Variants in RAB27B observed in about 807,000 individuals in gnomAD.
RAB27B encodes the protein RAB27B, member RAS oncogene family, also known as ras-related protein Rab-27B.
In RAB27B, 15 loss-of-function variants were observed where a neutral mutation model predicts 24.6. The observed-to-expected ratio is 0.61, with a 90% CI of 0.41 to 0.94. RAB27B has a LOEUF of 0.94. Ranked by LOEUF, RAB27B falls within the 40% of genes least tolerant of loss-of-function variation. RAB27B has a pLI of 0.00. For missense variants in RAB27B, 261 were observed against 266.8 expected, an observed-to-expected ratio of 0.98 and a Z score of 0.15; for synonymous variants, 105 against 92.5, an observed-to-expected ratio of 1.14 and a Z score of -0.78.
intron 1 of RAB27B, among the ~76,000 whole-genome samples, chr18:54,858,128 G>A (rs953573477): frequency 1.3e-5 from 2 of 152,224 alleles, no homozygotes; most frequent in Non-Finnish European, 2.9e-5. Context: ...ATTAACTACC[G>A]AGTAATATTA....
intron 2 of RAB27B, among the ~76,000 whole-genome samples, chr18:54,790,103 C>T (rs1437166103): frequency 6.6e-6 from 1 of 151,892 alleles, no homozygotes. Flanking sequence ...CCTGGTCATT[C>T]CATTGTCAGG....
At chr18:54,768,386 A>G (rs1908433841) in intron 2 of RAB27B, among the ~76,000 whole-genome samples, 1 of 152,140 alleles carries the variant, frequency 6.6e-6, no homozygotes, top group South Asian at 2.1e-4. Context: ...TAAAAAAATC[A>G]TTGTTTGAAG....
At chr18:54,830,635 G>A (rs756407646) in intron 1 of RAB27B, among the ~76,000 whole-genome samples, 20 of 152,070 alleles carry the variant, frequency 1.3e-4, no homozygotes, top group Non-Finnish European at 2.5e-4. Flanking sequence ...TCATTATTAG[G>A]TATATATGGG....
At chr18:54,871,223 C>A (rs1012121113) in intron 1 of RAB27B, among the ~76,000 whole-genome samples, 1 of 152,174 alleles carries the variant, frequency 6.6e-6, no homozygotes, top group Admixed American at 6.5e-5. Flanking sequence ...AAAGAAGCTT[C>A]CCCTTCCCTC....
intron 2 of RAB27B, among the ~76,000 whole-genome samples, chr18:54,735,496 C>A (rs1001076697): frequency 3.3e-5 from 5 of 151,896 alleles, no homozygotes; most frequent in African/African-American, 1.2e-4. Context: ...ATGCTGACCA[C>A]ATTTTTGCCT....
intron 1 of RAB27B, among the ~76,000 whole-genome samples, chr18:54,848,138 G>T (rs1911412717): frequency 6.6e-6 from 1 of 152,204 alleles, no homozygotes; most frequent in Non-Finnish European, 1.5e-5. Flanking sequence ...CACAGGTGTG[G>T]GATATGGTCG....
At position 54,739,552 on chromosome 18, in the gene RAB27B, CT is replaced by C. The variant is rs543711683; in HGVS notation, c.-20+21423del. Among the ~76,000 whole-genome samples, 441 of 134,706 alleles carry C rather than the reference CT, an allele frequency of 3.3e-3. 3 individuals are homozygous for C. Among genetic ancestry groups the C allele is most frequent in the South Asian group, 0.031 (129 of 4,100 alleles). 88.4% of individuals were successfully genotyped at this position (134,706 alleles called of 152,430 possible). A position where few individuals can be genotyped will look rare whatever the true frequency, so the allele number is the denominator to read the frequency against. ...AAATTCTTTCTTTCTTTTTTTCTTT[CT>C]TTTTTTTTTTTGCTGCTATGAATAA... On this transcript the variant is annotated intron_variant, in intron 2 of 4. Coordinates refer to the RAB27B transcript ENST00000586570.
intron 2 of RAB27B, among the ~76,000 whole-genome samples, chr18:54,802,203 A>G (rs1217116652): frequency 6.6e-6 from 1 of 152,246 alleles, no homozygotes; most frequent in Non-Finnish European, 1.5e-5. Flanking sequence ...TTGCTAGAAC[A>G]GAAAACACAC....
intron 2 of RAB27B, among the ~76,000 whole-genome samples, chr18:54,768,314 A>C (rs903548472): frequency 1.2e-4 from 19 of 152,168 alleles, no homozygotes; most frequent in Admixed American, 9.8e-4. Flanking sequence ...TGTGGCTGGA[A>C]GCAGCAATAT....
chr18:54,733,801 C>T (rs1228374421), intron 2 of RAB27B, among the ~76,000 whole-genome samples: 1 of 152,012 alleles, frequency 6.6e-6, no homozygotes, highest in Non-Finnish European at 1.5e-5. Context: ...AAATATGAAT[C>T]CCTCTCAAAT....
At chr18:54,866,070 T>G (rs552204553) in intron 1 of RAB27B, among the ~76,000 whole-genome samples, 1 of 151,946 alleles carries the variant, frequency 6.6e-6, no homozygotes, top group Non-Finnish European at 1.5e-5. Flanking sequence ...CTGGAAAGTT[T>G]TATCAGTGAG....
chr18:54,748,931 A>G (rs1479108394), intron 2 of RAB27B, among the ~76,000 whole-genome samples: 3 of 152,190 alleles, frequency 2.0e-5, no homozygotes, highest in African/African-American at 7.2e-5. Context: ...ATCATTTTGT[A>G]AACTATTCTC....
chr18:54,889,164 C>T (rs1913262929), intron 5 of RAB27B, 60 bp from the exon 6 acceptor site: 12 of 1,459,276 alleles, frequency 8.2e-6, no homozygotes, highest in African/African-American at 1.4e-5. Flanking sequence ...ACTTGTACAT[C>T]TTGCTGTATC....
chr18:54,874,022 T>G (rs918969497), intron 1 of RAB27B, among the ~76,000 whole-genome samples: 2 of 152,202 alleles, frequency 1.3e-5, no homozygotes, highest in African/African-American at 4.8e-5. Flanking sequence ...CCTGGATTGT[T>G]CACTCTGGAT....
intron 2 of RAB27B, among the ~76,000 whole-genome samples, chr18:54,796,472 T>C (rs888182116): frequency 1.3e-5 from 2 of 152,112 alleles, no homozygotes; most frequent in Admixed American, 1.3e-4. Flanking sequence ...TATTGAGTGA[T>C]GGAGGTGGTT....
intron 2 of RAB27B, among the ~76,000 whole-genome samples, chr18:54,812,599 A>G (rs1471422014): frequency 6.8e-6 from 1 of 148,096 alleles, no homozygotes; most frequent in Non-Finnish European, 1.5e-5. Flanking sequence ...ACACACTCTT[A>G]TGAATACCTT....
chr18:54,773,794 C>A (rs1257400453), intron 2 of RAB27B, among the ~76,000 whole-genome samples: 1 of 151,976 alleles, frequency 6.6e-6, no homozygotes, highest in East Asian at 1.9e-4. Flanking sequence ...TCTGCCTCAG[C>A]CTCCCGAGTA....
intron 2 of RAB27B, among the ~76,000 whole-genome samples, chr18:54,728,370 G>GC (rs964365367): frequency 6.6e-6 from 1 of 152,100 alleles, no homozygotes; most frequent in East Asian, 1.9e-4. Context: ...TTTTACTCTT[G>GC]CCCCCCTCAG....
intron 2 of RAB27B, among the ~76,000 whole-genome samples, chr18:54,796,894 G>A (rs1003356653): frequency 4.6e-5 from 7 of 152,132 alleles, no homozygotes; most frequent in Admixed American, 1.3e-4. Context: ...CATGATAGTT[G>A]TAATAAGAGT....
Sources: gnomAD v4.1 joint callset for allele counts (sites outside exome capture counted in the v4.1 genomes callset) on GRCh38, gnomAD v4.1.1 for gene constraint, MANE v1.5 for transcripts, NCBI Gene and HGNC (gene_info 2026-07-23, HGNC 2026-07-21) for gene names.